The following DGKK variants were observed in gnomAD, a reference collection of about 807,000 sequenced individuals.
DGKK encodes 142 kDa diacylglycerol kinase.
A neutral mutation model predicts 92.2 loss-of-function variants in DGKK; 35 were observed. The observed-to-expected ratio is 0.38, with a 90% CI of 0.29 to 0.50. DGKK has a LOEUF of 0.50. Ranked by LOEUF, DGKK falls within the 20% of genes least tolerant of loss-of-function variation. The pLI, the probability that DGKK is intolerant of heterozygous loss-of-function variation, is 0.92. For missense variants in DGKK, 910 were observed against 992.2 expected, an observed-to-expected ratio of 0.92 and a Z score of 1.11; for synonymous variants, 368 against 360.6, an observed-to-expected ratio of 1.02 and a Z score of -0.23.
At chrX:50,387,776 A>G in intron 13 of DGKK, 123 bp from the exon 14 acceptor site, 1 of 464,931 alleles carries the variant, frequency 2.2e-6, no homozygotes. Context: ...TCTTTCTCTC[A>G]CCCTCTGCTC....
At position 50,368,821 on chromosome X, in the gene DGKK, G is replaced by T; in HGVS notation, c.*119C>A. 1.8e-6 allele frequency: 1 copy of T among 549,628 alleles called. No individual in the cohort carries two copies. The highest frequency in any genetic ancestry group is 2.9e-6 in the Non-Finnish European group (1 of 347,914). The allele number at this position is 549,628 out of a possible 1,213,427, so 45.3% of individuals were successfully genotyped here. ...AAATGCATTAGTGAAAAGAATTGGAGGGTCTTTCTTGGTGGTGCTCATGTT... is the reference window on the plus strand; with the variant it reads ...AAATGCATTAGTGAAAAGAATTGGATGGTCTTTCTTGGTGGTGCTCATGTT... On this transcript the variant is annotated 3_prime_UTR_variant, in exon 28 of 28. Coordinates refer to ENST00000611977, the MANE Select transcript of DGKK (RefSeq NM_001013742.4).
chrX:50,435,451 G>C (rs1479209292), intron 1 of DGKK, among the ~76,000 whole-genome samples: 1 of 112,282 alleles, frequency 8.9e-6, no homozygotes, highest in Non-Finnish European at 1.9e-5. Flanking sequence ...ACATCTGAAG[G>C]CCTGAATAAT....
chrX:50,403,850 T>G (rs1229643154), intron 5 of DGKK, among the ~76,000 whole-genome samples, 199 bp downstream of exon 5: 1 of 111,601 alleles, frequency 9.0e-6, no homozygotes, highest in Non-Finnish European at 1.9e-5. Flanking sequence ...TGTGATAATA[T>G]AGTCCCATCC....
intron 1 of DGKK, among the ~76,000 whole-genome samples, chrX:50,450,373 AC>A (rs1926468596): frequency 8.9e-6 from 1 of 111,990 alleles, no homozygotes; most frequent in Non-Finnish European, 1.9e-5. Flanking sequence ...GATGAGTGGA[AC>A]TGTGATGGGA....
intron 11 of DGKK, 139 bp from the exon 12 acceptor site, chrX:50,390,548 T>G: frequency 2.0e-6 from 1 of 505,275 alleles, no homozygotes; most frequent in Non-Finnish European, 3.4e-6. Context: ...AAGCAATCTC[T>G]GGTCACCTGA....
chrX:50,378,632 A>G lies in DGKK; in HGVS notation c.2922T>C (p.Ser974=). 3 of 1,210,103 alleles carry G rather than the reference A, an allele frequency of 2.5e-6. No individual in the cohort carries two copies. Among genetic ancestry groups the G allele is most frequent in the Non-Finnish European group, 3.4e-6 (3 of 894,786 alleles). Reference sequence around the variant, plus strand: ...TGATACGGGACATTGCCATCTGCACAGAACCAAAGATTGCCACCACCTCCA... The same window carrying G: ...TGATACGGGACATTGCCATCTGCACGGAACCAAAGATTGCCACCACCTCCA... The part of the protein sequence containing the change: ...GKLEVVAIFG[S]VQMAMSRIIN... The change falls in exon 21 of 28, where the codon TCT becomes TCC. Residue 974 remains serine, a synonymous_variant. Coordinates refer to ENST00000611977, the MANE Select transcript of DGKK (RefSeq NM_001013742.4).
Position 50,368,998 on chromosome X carries a change from T to A in DGKK, c.3758A>T (p.His1253Leu), listed in dbSNP as rs1557222801. 8.3e-7 allele frequency: 1 copy of A among 1,209,238 alleles called. No homozygotes were observed. Among genetic ancestry groups the A allele is most frequent in the Admixed American group, 2.2e-5 (1 of 45,911 alleles). Residue 1253 changes from histidine to leucine, a missense_variant, in exon 28 of 28, where the codon CAT becomes CTT. Physicochemically the swap from His to Leu is moderately conservative, Grantham distance 99. Coordinates refer to ENST00000611977, the MANE Select transcript of DGKK (RefSeq NM_001013742.4). ...SFIGNLWHRR[H>L]REDEAEGDDP... ...ATCACCCTCTGCTTCATCTTCACGA[T>A]GTCTGCGGTGCCATAAATTGCCTTC...
intron 8 of DGKK, among the ~76,000 whole-genome samples, chrX:50,395,797 CAAA>C (rs35132890): frequency 3.7e-5 from 3 of 81,361 alleles, no homozygotes. Context: ...AGAACATTGG[CAAA>C]AAAAAAAAAA....
intron 1 of DGKK, among the ~76,000 whole-genome samples, chrX:50,449,589 G>C (rs782566660): frequency 2.7e-4 from 30 of 111,446 alleles, no homozygotes; most frequent in African/African-American, 9.1e-4. Flanking sequence ...CTAGTGATCA[G>C]CCTCCCTAGA....
chrX:50,412,523 G>T (rs1386546178), intron 4 of DGKK, among the ~76,000 whole-genome samples: 1 of 111,805 alleles, frequency 8.9e-6, no homozygotes, highest in Non-Finnish European at 1.9e-5. Flanking sequence ...AACCACAAAA[G>T]ACCCTGAATA....
chrX:50,449,873 G>GT (rs1926456343), intron 1 of DGKK, among the ~76,000 whole-genome samples: 1 of 111,923 alleles, frequency 8.9e-6, no homozygotes, highest in Non-Finnish European at 1.9e-5. Flanking sequence ...TGTATGTGGC[G>GT]TTTTTTAAAT....
At chrX:50,457,109 C>G (rs186028095) in intron 1 of DGKK, among the ~76,000 whole-genome samples, 52 of 111,978 alleles carry the variant, frequency 4.6e-4, no homozygotes, top group African/African-American at 1.7e-3. Context: ...CAAGTTACCA[C>G]GGAGCAAAGA....
At chrX:50,391,676 T>TA (rs1401044087) in intron 10 of DGKK, 100 bp from the exon 11 acceptor site, 1 of 933,107 alleles carries the variant, frequency 1.1e-6, no homozygotes, top group African/African-American at 2.0e-5. Flanking sequence ...ATTATGGTCT[T>TA]AAAACCAGTG....
At chrX:50,409,966 T>G (rs1181500259) in intron 4 of DGKK, among the ~76,000 whole-genome samples, 2 of 111,546 alleles carry the variant, frequency 1.8e-5, no homozygotes, top group Non-Finnish European at 3.8e-5. Flanking sequence ...AGACACTGAG[T>G]CTGCCAGTGG....
In DGKK at chrX:50,366,847, C is replaced by T. The variant is rs1257595954; in HGVS notation, c.*2093G>A. On this transcript the variant is annotated 3_prime_UTR_variant, in exon 28 of 28. Coordinates refer to ENST00000611977, the MANE Select transcript of DGKK (RefSeq NM_001013742.4). ...TAATACCTCCTCCTGGGAAGAAAGACTAATAACAGAGAAAGTCAAAGACAC... is the reference window on the plus strand; with the variant it reads ...TAATACCTCCTCCTGGGAAGAAAGATTAATAACAGAGAAAGTCAAAGACAC... The T allele has an allele frequency of 8.9e-6, 1 of 112,248 alleles. No individual in the cohort carries two copies. The highest frequency in any genetic ancestry group is 2.8e-4 in the East Asian group (1 of 3,565). 9.3% of individuals were successfully genotyped at this position (112,248 alleles called of 1,213,427 possible).
At chrX:50,403,693 T>G (rs1487099571) in intron 5 of DGKK, 96 bp from the exon 6 acceptor site, 3 of 733,089 alleles carry the variant, frequency 4.1e-6, no homozygotes, top group Non-Finnish European at 6.2e-6. Flanking sequence ...AGAACACAGA[T>G]GCATTCTAAA....
rs782474252 is a variant in DGKK, at chrX:50,470,522, G to A, written c.157C>T (p.Pro53Ser). 5.9e-5 allele frequency: 71 copies of A among 1,210,896 alleles called. No homozygotes were observed. Among genetic ancestry groups the A allele is most frequent in the Non-Finnish European group, 5.6e-6 (5 of 895,436 alleles). Residue 53 changes from proline (P) to serine (S), a missense_variant, in exon 1 of 28, where the codon CCC becomes TCC. By Grantham distance (74) the Pro-to-Ser change is moderately conservative (BLOSUM62 -1). Transcript: ENST00000611977. ...AGCTCTGGACAGGGCTCTGGTATGG[G>A]TTCTGGCGAAGCCTCGGAGAGCAGC... ...PPLLSEASPE[P>S]IPEPCPELAP... is the part of the protein sequence containing the mutation.
At chrX:50,468,995 G>A (rs1006196561) in intron 1 of DGKK, among the ~76,000 whole-genome samples, 30 of 110,712 alleles carry the variant, frequency 2.7e-4, no homozygotes, top group Non-Finnish European at 1.3e-4. Flanking sequence ...GAAGAGTAGG[G>A]AGAGTGCAGA....
intron 4 of DGKK, among the ~76,000 whole-genome samples, chrX:50,418,632 G>A (rs184313832): frequency 1.2e-4 from 13 of 111,949 alleles, no homozygotes; most frequent in Admixed American, 4.7e-4. Context: ...GTGCCGAGAC[G>A]TTTCACTATC....
Sources: gnomAD v4.1 joint callset for allele counts (sites outside exome capture counted in the v4.1 genomes callset) on GRCh38, gnomAD v4.1.1 for gene constraint, MANE v1.5 for transcripts, NCBI Gene and HGNC (gene_info 2026-07-23, HGNC 2026-07-21) for gene names.